The following PUS1 variants were observed in gnomAD, a reference collection of about 807,000 sequenced individuals.
PUS1 encodes pseudouridylate synthase 1 homolog.
Under a neutral mutation model 38.5 loss-of-function variants are expected in PUS1, and 25 were observed. The ratio of observed to expected loss-of-function variants is 0.65; its 90% CI spans 0.47 to 0.91. The LOEUF is 0.91. PUS1 is among the 40% of genes least tolerant of loss of function. PUS1 has a pLI of 0.00. For missense variants in PUS1, 597 were observed against 612.3 expected (o/e 0.97, Z 0.26); for synonymous variants, 282 against 260.4 (o/e 1.08, Z -0.80).
intron 3 of PUS1, among the ~76,000 whole-genome samples, chr12:131,934,180 G>A (rs1374083804): frequency 6.6e-6 from 1 of 152,230 alleles, no homozygotes. Context: ...GCATGAAAGT[G>A]GACAAGGAGC....
At chr12:131,930,777 C>T (rs942691654) in intron 2 of PUS1, among the ~76,000 whole-genome samples, 2 of 152,110 alleles carry the variant, frequency 1.3e-5, no homozygotes, top group Non-Finnish European at 2.9e-5. Context: ...GTGTCCTTGA[C>T]CTCACGGCCT....
intron 1 of PUS1, 37 bp downstream of exon 1, chr12:131,929,833 G>GC: frequency 1.2e-6 from 1 of 853,686 alleles, no homozygotes; most frequent in Non-Finnish European, 1.7e-6. Flanking sequence ...CGCTATGCCC[G>GC]CCCAGCCCAG....
intron 3 of PUS1, among the ~76,000 whole-genome samples, chr12:131,935,951 C>T (rs530564191): frequency 6.6e-6 from 1 of 152,220 alleles, no homozygotes; most frequent in South Asian, 2.1e-4. Flanking sequence ...TGGCTCACGC[C>T]TGTAATTCCA....
At chr12:131,934,897 C>T (rs773226572) in intron 3 of PUS1, 16 of 152,256 alleles carry the variant, frequency 1.1e-4, no homozygotes, top group Non-Finnish European at 2.2e-4. Context: ...CTCCGGGAAT[C>T]TGAATAAAGC....
At position 131,943,725 on chromosome 12, in the gene PUS1, CT is replaced by C. The variant is rs1246483282; in HGVS notation, c.*141del. ...CATGCCGGCGTTGTAACCTCAGGACCTTCCCTTGTAGGAACAGCCTTTCTCG... is the reference window on the plus strand; with the variant it reads ...CATGCCGGCGTTGTAACCTCAGGACCTCCCTTGTAGGAACAGCCTTTCTCG... On this transcript the variant is annotated 3_prime_UTR_variant, in exon 6 of 6. Transcript: ENST00000376649. The C allele has an allele frequency of 1.1e-5, 8 of 731,316 alleles. No individual in the cohort carries two copies. The Admixed American group carries it at 1.6e-4, about 14-fold the overall frequency. 45.3% of individuals were successfully genotyped at this position (731,316 alleles called of 1,614,324 possible).
chr12:131,942,032 T>G, intron 5 of PUS1, 49 bp downstream of exon 5: 1 of 1,505,520 alleles, frequency 6.6e-7, no homozygotes, highest in Non-Finnish European at 9.1e-7. Flanking sequence ...GCCCACATTG[T>G]TCCCATTGTA....
intron 5 of PUS1, among the ~76,000 whole-genome samples, chr12:131,942,295 C>T (rs190176117): frequency 2.6e-5 from 4 of 152,260 alleles, no homozygotes; most frequent in Non-Finnish European, 2.9e-5. Context: ...AGCTTAGAAC[C>T]GGAACATACA....
chr12:131,943,394 C>G (rs115682456), intron 5 of PUS1, 145 bp from the exon 6 acceptor site: 1 of 769,666 alleles, frequency 1.3e-6, no homozygotes, highest in African/African-American at 1.7e-5. Context: ...AGAGAATGAC[C>G]GAGAACAAAC....
rs1162726665 is a variant in PUS1, at chr12:131,945,728, C to G, written c.*2142C>G. 6.6e-6 allele frequency: 1 copy of G among 152,250 alleles called. No individual in the cohort carries two copies. The highest frequency in any genetic ancestry group is 2.4e-5 in the African/African-American group (1 of 41,450). 9.4% of individuals were successfully genotyped at this position (152,250 alleles called of 1,614,324 possible). On this transcript the variant is annotated 3_prime_UTR_variant, in exon 6 of 6. Coordinates refer to ENST00000376649, the MANE Select transcript of PUS1 (RefSeq NM_025215.6). The stretch of plus-strand genomic sequence containing the variant: ...GTCAGGCTGGTCTCAAACTCCTAAG[C>G]TCAGGTGATCCACCCGCCTTGGCCT...
chr12:131,935,006 CAA>C (rs1890761469), intron 3 of PUS1: 1 of 152,322 alleles, frequency 6.6e-6, no homozygotes, highest in South Asian at 2.1e-4. Flanking sequence ...GGGGAGAACA[CAA>C]AGAGGGATCC....
At position 131,930,082 on chromosome 12, in the gene PUS1, C is replaced by T. The variant is rs1339710431; in HGVS notation, c.250C>T (p.Arg84Trp). The change falls in exon 2 of 6, where the codon CGG becomes TGG. Residue 84 changes from arginine (R) to tryptophan (W), a missense_variant. Physicochemically the swap from Arg to Trp is moderately radical, Grantham distance 101. Transcript: ENST00000376649. The part of the protein sequence containing the change: ...DEERREKPPK[R>W]KIVLLMAYSG... The stretch of plus-strand genomic sequence containing the variant: ...GGAGCGGCGCGAGAAGCCGCCCAAG[C>T]GGAAGATCGTGCTGCTCATGGCCTA... 6.9e-7 allele frequency: 1 copy of T among 1,444,334 alleles called. No individual in the cohort carries two copies. The highest frequency in any genetic ancestry group is 2.7e-5 in the East Asian group (1 of 36,646). 89.5% of individuals were successfully genotyped at this position (1,444,334 alleles called of 1,614,324 possible).
chr12:131,929,915 G>A lies in PUS1; in HGVS notation c.83G>A (p.Arg28His), dbSNP rs1363171458. The change falls in exon 2 of 6, where the codon CGC becomes CAC. Residue 28 changes from arginine (R) to histidine (H), a missense_variant. Arg to His is a conservative substitution (Grantham distance 29, BLOSUM62 0). Coordinates refer to ENST00000376649, the MANE Select transcript of PUS1 (RefSeq NM_025215.6). ...GCCGCCCTTCTCCGCAGCTCGCCGCGCATGGCCGGGAACGCGGAGCCGCCG... is the reference window on the plus strand; with the variant it reads ...GCCGCCCTTCTCCGCAGCTCGCCGCACATGGCCGGGAACGCGGAGCCGCCG... ...RLGPRPSCSP[R>H]MAGNAEPPPA... 7.0e-7 allele frequency: 1 copy of A among 1,421,198 alleles called. No homozygotes were observed. The highest frequency in any genetic ancestry group is 1.3e-5 in the South Asian group (1 of 76,120). 88.0% of individuals were successfully genotyped at this position (1,421,198 alleles called of 1,614,324 possible).
chr12:131,939,110 C>G, intron 3 of PUS1, 63 bp from the exon 4 acceptor site: 1 of 1,048,846 alleles, frequency 9.5e-7, no homozygotes, highest in Non-Finnish European at 1.5e-6. Context: ...CCTTCTTTCT[C>G]AGAGACCAGC....
chr12:131,932,359 C>T (rs751115678), intron 3 of PUS1, 47 bp downstream of exon 3: 29 of 1,603,900 alleles, frequency 1.8e-5, no homozygotes, highest in Middle Eastern at 2.1e-4. Context: ...ATGAGCAGCA[C>T]GTGGCCCACT....
At chr12:131,934,273 G>C (rs1390225784) in intron 3 of PUS1, among the ~76,000 whole-genome samples, 1 of 152,206 alleles carries the variant, frequency 6.6e-6, no homozygotes, top group Non-Finnish European at 1.5e-5. Flanking sequence ...CCTCCCACAA[G>C]AGGTGGTGGA....
Position 131,929,814 on chromosome 12 carries a change from G to A in PUS1, c.74+18G>A. 6.4e-7 allele frequency: 1 copy of A among 1,567,924 alleles called. No individual in the cohort carries two copies. Among genetic ancestry groups the A allele is most frequent in the East Asian group, 2.4e-5 (1 of 42,140 alleles). ...CCGTCCTGGTAATGACCGCGACGCC[G>A]GGCGACCCCGCTATGCCCGCCCAGC... On this transcript the variant is annotated intron_variant, in intron 1 of 5. Coordinates refer to ENST00000376649, the MANE Select transcript of PUS1 (RefSeq NM_025215.6).
At chr12:131,934,215 G>A (rs1010371673) in intron 3 of PUS1, among the ~76,000 whole-genome samples, 1 of 152,248 alleles carries the variant, frequency 6.6e-6, no homozygotes. Context: ...ACCACAGGGA[G>A]CTGTTTAAGC....
rs1309205653 is a variant in PUS1, at chr12:131,939,193, G to T, written c.462G>T (p.Gln154His). The change falls in exon 4 of 6, where the codon CAG becomes CAT. Residue 154 changes from glutamine (Q) to histidine (H), a missense_variant. Coordinates refer to ENST00000376649, the MANE Select transcript of PUS1 (RefSeq NM_025215.6). Reference sequence around the variant, plus strand: ...TACAGGGTGTGTCCGCAGCCGGCCAGGTGGTATCCCTGAAGGTGTGGCTGA... The same window carrying T: ...TACAGGGTGTGTCCGCAGCCGGCCATGTGGTATCCCTGAAGGTGTGGCTGA... ...RTDKGVSAAG[Q>H]VVSLKVWLID... 2 of 1,560,238 alleles carry T rather than the reference G, an allele frequency of 1.3e-6. No homozygotes were observed. Among genetic ancestry groups the T allele is most frequent in the African/African-American group, 1.4e-5 (1 of 73,266 alleles).
At chr12:131,942,829 G>A (rs987862111) in intron 5 of PUS1, among the ~76,000 whole-genome samples, 1 of 152,228 alleles carries the variant, frequency 6.6e-6, no homozygotes, top group African/African-American at 2.4e-5. Flanking sequence ...GCATACCTGG[G>A]TGGCAGATTC....
Sources: allele counts gnomAD v4.1 joint callset (sites outside exome capture counted in the v4.1 genomes callset), GRCh38; gene constraint gnomAD v4.1.1; transcripts MANE v1.5; gene names NCBI Gene and HGNC (gene_info 2026-07-23, HGNC 2026-07-21).